HOOK2: variants seen among roughly 807,000 people sequenced by gnomAD.
The protein encoded by HOOK2 is hook microtubule tethering protein 2, also known as protein Hook homolog 2.
Under a neutral mutation model 111.9 loss-of-function variants are expected in HOOK2, and 108 were observed. The ratio of observed to expected loss-of-function variants is 0.96; its 90% CI spans 0.83 to 1.13. The LOEUF (loss-of-function observed/expected upper bound fraction) is 1.13, where lower values mean the gene tolerates loss of function less well. HOOK2 is among the 50% of genes most tolerant of loss of function. The pLI is 0.00. For missense variants in HOOK2, 978 were observed against 951.3 expected, an observed-to-expected ratio of 1.03 and a Z score of -0.37; for synonymous variants, 405 against 394.3, an observed-to-expected ratio of 1.03 and a Z score of -0.32.
chr19:12,791,389 G>C lies in HOOK2; in HGVS notation n.42-17164C>G, dbSNP rs1003150413. The C allele has an allele frequency of 1.7e-5, 3 of 172,122 alleles. No homozygotes were observed. The highest frequency in any genetic ancestry group is 4.7e-5 in the African/African-American group (2 of 42,118). 10.7% of individuals were successfully genotyped at this position (172,122 alleles called of 1,614,324 possible). On this transcript the variant is annotated intron_variant and non_coding_transcript_variant, in intron 3 of 3. Coordinates refer to the HOOK2 transcript ENST00000589765. This position sits in a 1 kb window ranked among gnomAD's most constrained non-coding sequence, Gnocchi z 7.0. ...CCTCCCCTTCCCCACGCTCGAGGAG[G>C]GGGGCGCGGGGGCCCGGCTCCGGCG...
rs1224167552 is a variant in HOOK2 at position 12,766,173 on chromosome 19, G to A, written c.1441C>T (p.Arg481Trp). 1.3e-6 allele frequency: 2 copies of A among 1,597,996 alleles called. No individual in the cohort carries two copies. The highest frequency in any genetic ancestry group is 1.7e-6 in the Non-Finnish European group (2 of 1,178,414). ...LCRQEAADRERQEELQRHLED... is the reference protein window; with the variant it reads ...LCRQEAADREWQEELQRHLED... ...AGGTGGCGCTGCAGCTCCTCCTGCC[G>A]CTCCCGGTCGGCCGCCTCCTGCCTG... is the stretch of plus-strand genomic sequence containing the variant. The change falls in exon 15 of 23, where the codon CGG (arginine) becomes TGG (tryptophan). Residue 481 changes from arginine (R) to tryptophan (W), a missense_variant. Coordinates refer to ENST00000397668, the MANE Select transcript of HOOK2 (RefSeq NM_013312.3).
chr19:12,776,477 C>A (rs1475241731), upstream of HOOK2, among the ~76,000 whole-genome samples: 3 of 151,150 alleles, frequency 2.0e-5, no homozygotes, highest in South Asian at 2.1e-4. Context: ...GTCAGGTGTT[C>A]GAGACCAGCC....
chr19:12,764,703 A>G lies in HOOK2; in HGVS notation c.1827+111T>C, dbSNP rs535037072. The G allele has an allele frequency of 4.9e-6, 4 of 817,392 alleles. No homozygotes were observed. The Admixed American group carries it at 7.9e-5, about 16-fold the overall frequency. The allele number at this position is 817,392 out of a possible 1,614,324, so 50.6% of individuals were successfully genotyped here. ...GAAGTCTGTCTTATGGTGGGGTATG[A>G]CAGGTATGAGTTGGGGGCACAGATG... On this transcript the variant is annotated intron_variant, in intron 20 of 22. Transcript: ENST00000397668.
At chr19:12,777,714 A>C (rs1968554661), upstream of HOOK2, among the ~76,000 whole-genome samples, 1 of 152,214 alleles carries the variant, frequency 6.6e-6, no homozygotes. Context: ...ATTTGGCTGA[A>C]GCTGCCGCGT....
At position 12,763,003 on chromosome 19, in the gene HOOK2, G is replaced by A. The variant is rs948186904; in HGVS notation, c.*279C>T. ...CCTTGGTGCCCAGAGCACAGCCAGG[G>A]CAGATTGAACGCCTTTATTTTTCTC... is the stretch of plus-strand genomic sequence containing the variant. On this transcript the variant is annotated 3_prime_UTR_variant, in exon 23 of 23. Coordinates refer to ENST00000397668, the MANE Select transcript of HOOK2 (RefSeq NM_013312.3). 2 of 399,256 alleles carry A rather than the reference G, an allele frequency of 5.0e-6. No homozygotes were observed. Among genetic ancestry groups the A allele is most frequent in the Non-Finnish European group, 9.1e-6 (2 of 220,398 alleles). The allele number at this position is 399,256 out of a possible 1,614,324, so 24.7% of individuals were successfully genotyped here.
At chr19:12,775,638 C>T (rs899437925), upstream of HOOK2, 4 of 491,486 alleles carry the variant, frequency 8.1e-6, no homozygotes, top group Non-Finnish European at 1.3e-5. Flanking sequence ...AATCTCCTCC[C>T]TACGCCCGCT....
chr19:12,767,585 A>G lies in HOOK2; in HGVS notation c.1304-121T>C, dbSNP rs1005526693. 6 of 955,090 alleles carry G rather than the reference A, an allele frequency of 6.3e-6. No individual in the cohort carries two copies. In the African/African-American group the frequency reaches 6.5e-5, roughly 10 times the overall value. The allele number at this position is 955,090 out of a possible 1,614,324, so 59.2% of individuals were successfully genotyped here. A position where few individuals can be genotyped will look rare whatever the true frequency, so the allele number is the denominator to read the frequency against. ...TCAGCCAACAGTCTGGCTTGACACA[A>G]GCTCCATCCCCGGCTTGATAGAGAA... On this transcript the variant is annotated intron_variant, in intron 13 of 22. Transcript: ENST00000397668.
chr19:12,769,955 G>GCTCGGCGTGGCCGGC lies in HOOK2; in HGVS notation c.1015_1029dup (p.Ala339_Glu343dup). ...AGCTCATCCTCCAGTTGTCGCGTGC[G>GCTCGGCGTGGCCGGC]CTCGGCGTGGCCGGCGTTGCGTTCC... On this transcript the variant is annotated inframe_insertion, in exon 11 of 23. Transcript: ENST00000397668. 6.4e-7 allele frequency: 1 copy of GCTCGGCGTGGCCGGC among 1,555,294 alleles called. No individual in the cohort carries two copies. The highest frequency in any genetic ancestry group is 2.4e-5 in the East Asian group (1 of 41,422).
At chr19:12,763,500 G>T in intron 22 of HOOK2, 28 bp downstream of exon 22, 1 of 1,614,118 alleles carries the variant, frequency 6.2e-7, no homozygotes, top group Non-Finnish European at 8.5e-7. Flanking sequence ...CTACCCATGA[G>T]ATCTTAGAGC....
In HOOK2 at chr19:12,790,314, C is replaced by T. The variant is rs1389174751; in HGVS notation, n.42-16089G>A. Among the ~76,000 whole-genome samples, 10 of 152,198 alleles carry T rather than the reference C, an allele frequency of 6.6e-5. No homozygotes were observed. Among genetic ancestry groups the T allele is most frequent in the Non-Finnish European group, 1.5e-5 (1 of 68,024 alleles). On this transcript the variant is annotated intron_variant and non_coding_transcript_variant, in intron 3 of 3. Transcript: ENST00000589765. The surrounding 1 kb of genome is among the most constrained non-coding windows in gnomAD (Gnocchi z 7.2). Reference sequence around the variant, plus strand: ...TGACGGAGACAGGGCCGGGCTCCTTCCCCCGGGGCTGTTGCCACACTTCCT... The same window carrying T: ...TGACGGAGACAGGGCCGGGCTCCTTTCCCCGGGGCTGTTGCCACACTTCCT...
intron 3 of HOOK2, among the ~76,000 whole-genome samples, chr19:12,789,207 GAGAGAC>G (rs879800246): frequency 5.1e-4 from 69 of 135,112 alleles, no homozygotes; most frequent in African/African-American, 1.6e-3. Flanking sequence ...GAGAGAGAGA[GAGAGAC>G]AGAGACAGAG....
At chr19:12,763,892 A>G (rs560370599) in intron 20 of HOOK2, 114 bp from the exon 21 acceptor site, 47 of 729,470 alleles carry the variant, frequency 6.4e-5, no homozygotes, top group Middle Eastern at 3.6e-4. Context: ...GAGTCCCCCT[A>G]TGTTGCCCAG....
upstream of HOOK2, among the ~76,000 whole-genome samples, chr19:12,781,492 A>T (rs1266640222): frequency 6.6e-6 from 1 of 150,906 alleles, no homozygotes; most frequent in East Asian, 2.0e-4. Context: ...ACGCCTGGCT[A>T]ATTTTTTGTA....
chr19:12,770,873 T>C (rs888622427), intron 10 of HOOK2, 59 bp downstream of exon 10: 4 of 1,541,818 alleles, frequency 2.6e-6, no homozygotes, highest in Admixed American at 2.0e-5. Context: ...AGAGGGGAAC[T>C]CTGGAAACAG....
In HOOK2 at chr19:12,765,816, C is replaced by T. The variant is rs368705549; in HGVS notation, c.1605+13G>A. The T allele has an allele frequency of 5.0e-6, 8 of 1,613,120 alleles. No individual in the cohort carries two copies. Among genetic ancestry groups the T allele is most frequent in the Non-Finnish European group, 6.8e-6 (8 of 1,179,232 alleles). The stretch of plus-strand genomic sequence containing the variant: ...GAGGGTAGGGGGTGCCATCCTGGGC[C>T]CATGGTACTTACAATGGCCTGTATG... On this transcript the variant is annotated intron_variant, in intron 17 of 22. Transcript: ENST00000397668.
chr19:12,769,816 T>C, intron 11 of HOOK2, 65 bp downstream of exon 11: 1 of 1,305,334 alleles, frequency 7.7e-7, no homozygotes, highest in Non-Finnish European at 9.9e-7. Context: ...GGCGGAGGGC[T>C]GGCCAACGGT....
rs565409944 is a variant in HOOK2, at chr19:12,774,752, G to C, written c.132-11C>G. 1.7e-4 allele frequency: 281 copies of C among 1,613,890 alleles called. 2 individuals carry two copies. In the South Asian group the frequency reaches 2.9e-3, roughly 16 times the overall value. On this transcript the variant is annotated splice_polypyrimidine_tract_variant and intron_variant, in intron 2 of 22. Transcript: ENST00000397668. ...AACCAGGAGGGGTCTCTGGGGGCGA[G>C]AAGGTGGGATGAGCAGACTGGGGGA...
chr19:12,769,800 G>C (rs1452596983), intron 11 of HOOK2, 81 bp downstream of exon 11: 1 of 1,161,224 alleles, frequency 8.6e-7, no homozygotes, highest in Non-Finnish European at 1.1e-6. Flanking sequence ...GAGGGGATCA[G>C]GGGTGGGCGG....
At chr19:12,773,332 C>T (rs1968395744) in intron 3 of HOOK2, 2 of 383,874 alleles carry the variant, frequency 5.2e-6, no homozygotes, top group Non-Finnish European at 9.7e-6. Context: ...TCACTGCAGC[C>T]TCGACCTCCT....
Sources: gnomAD v4.1 joint callset for allele counts (sites outside exome capture counted in the v4.1 genomes callset) on GRCh38, gnomAD v4.1.1 for gene constraint, Gnocchi (gnomAD v3.1) non-coding constraint, MANE v1.5 for transcripts, NCBI Gene and HGNC (gene_info 2026-07-23, HGNC 2026-07-21) for gene names.